The following KPNA3 variants were observed in gnomAD, a reference collection of about 807,000 sequenced individuals.
KPNA3 encodes the protein importin subunit alpha-4.
KPNA3 carries 13 observed loss-of-function variants against 73.8 expected under a neutral mutation model. The observed-to-expected ratio is 0.18, with a 90% CI of 0.11 to 0.28. The LOEUF is 0.28. KPNA3 is among the 10% of genes least tolerant of loss of function. KPNA3 has a pLI of 1.00. For missense variants in KPNA3, 360 were observed against 618.1 expected, an observed-to-expected ratio of 0.58 and a Z score of 4.43; for synonymous variants, 186 against 206.9, an observed-to-expected ratio of 0.90 and a Z score of 0.87.
intron 1 of KPNA3, among the ~76,000 whole-genome samples, chr13:49,779,541 CT>C (rs915175671): frequency 1.3e-5 from 2 of 152,186 alleles, no homozygotes; most frequent in African/African-American, 4.8e-5. Context: ...CCTACTTACT[CT>C]ATCTAGGCTC....
intron 1 of KPNA3, among the ~76,000 whole-genome samples, chr13:49,762,942 A>G (rs1481878640): frequency 1.4e-5 from 2 of 145,336 alleles, no homozygotes; most frequent in Non-Finnish European, 3.0e-5. Context: ...AAAGAAGAGG[A>G]GAGGTCGGTC....
chr13:49,705,566 T>C (rs1038991192), intron 15 of KPNA3, 55 bp downstream of exon 15: 201 of 1,555,224 alleles, frequency 1.3e-4, no homozygotes, highest in South Asian at 1.8e-4. Flanking sequence ...TTTAAAGAAC[T>C]TATGTTTCAG....
At chr13:49,764,066 CAAA>C (rs11301654) in intron 1 of KPNA3, among the ~76,000 whole-genome samples, 11 of 79,946 alleles carry the variant, frequency 1.4e-4, no homozygotes, top group African/African-American at 1.4e-4. Context: ...GACCCTGTCT[CAAA>C]AAAAAAAAAA....
intron 10 of KPNA3, among the ~76,000 whole-genome samples, chr13:49,711,602 T>G (rs927802854): frequency 1.3e-5 from 2 of 152,210 alleles, no homozygotes; most frequent in African/African-American, 2.4e-5. Context: ...GTATAAACCA[T>G]GCCCTAGGCC....
At chr13:49,775,565 T>C (rs1954891357) in intron 1 of KPNA3, among the ~76,000 whole-genome samples, 1 of 152,126 alleles carries the variant, frequency 6.6e-6, no homozygotes. Context: ...AACTTATACA[T>C]CTTCATCAAA....
intron 12 of KPNA3, among the ~76,000 whole-genome samples, chr13:49,706,750 CTTTTCTTTTTTTT>C (rs1036048615): frequency 2.6e-4 from 19 of 71,894 alleles, no homozygotes; most frequent in Non-Finnish European, 1.3e-4. Context: ...TTTCTTTTTT[CTTTTCTTTTTTTT>C]TTTGAGACGG....
At chr13:49,773,911 A>T (rs963464251) in intron 1 of KPNA3, among the ~76,000 whole-genome samples, 1 of 152,044 alleles carries the variant, frequency 6.6e-6, no homozygotes, top group Admixed American at 6.6e-5. Flanking sequence ...TATCCCATTC[A>T]TAGTCATCTT....
intron 10 of KPNA3, among the ~76,000 whole-genome samples, chr13:49,717,012 T>C (rs777061734): frequency 3.3e-4 from 51 of 152,266 alleles, no homozygotes; most frequent in Non-Finnish European, 5.9e-4. Flanking sequence ...AAGTTTTTTC[T>C]CCCTTAACGA....
Position 49,733,096 on chromosome 13 carries a change from T to C in KPNA3, c.115-50A>G, listed in dbSNP as rs776132440. On this transcript the variant is annotated intron_variant, in intron 2 of 16. Transcript: ENST00000261667. ...AAGAAGTCATAAGGACTACTGTTAA[T>C]GAAAAATCCATTAAAACTACTTCAA... 11 of 1,135,542 alleles carry C rather than the reference T, an allele frequency of 9.7e-6. No individual in the cohort carries two copies. In the African/African-American group the frequency reaches 1.1e-4, roughly 11 times the overall value. 70.3% of individuals were successfully genotyped at this position (1,135,542 alleles called of 1,614,324 possible). A position where few individuals can be genotyped will look rare whatever the true frequency, so the allele number is the denominator to read the frequency against.
chr13:49,769,336 T>A lies in KPNA3; in HGVS notation c.70-22343A>T, dbSNP rs966450406. Among the ~76,000 whole-genome samples the A allele has an allele frequency of 7.9e-5, 12 of 152,362 alleles. No homozygotes were observed. The East Asian group carries it at 2.3e-3, about 29-fold the overall frequency. On this transcript the variant is annotated intron_variant, in intron 1 of 16. Coordinates refer to ENST00000261667, the MANE Select transcript of KPNA3 (RefSeq NM_002267.4). ...TAAAATTTATCCTAAAAGGATAAGT[T>A]CCGTGGTTTCTAGTACAGAGTTGTA... is the stretch of plus-strand genomic sequence containing the variant.
intron 1 of KPNA3, among the ~76,000 whole-genome samples, chr13:49,774,341 G>A (rs942397288): frequency 2.6e-5 from 4 of 152,124 alleles, no homozygotes; most frequent in African/African-American, 7.2e-5. Context: ...GTTATACCCC[G>A]AATTCAACAC....
chr13:49,732,535 A>G, intron 5 of KPNA3, 69 bp from the exon 6 acceptor site: 1 of 1,443,562 alleles, frequency 6.9e-7, no homozygotes, highest in South Asian at 1.2e-5. Context: ...ACAACATATT[A>G]ACTTCTAGAC....
intron 1 of KPNA3, among the ~76,000 whole-genome samples, chr13:49,773,420 C>A (rs575064664): frequency 6.6e-6 from 1 of 152,160 alleles, no homozygotes; most frequent in Admixed American, 6.5e-5. Flanking sequence ...AATTAATCTG[C>A]CTCAAAGATT....
intron 1 of KPNA3, among the ~76,000 whole-genome samples, chr13:49,760,831 G>A (rs1954752712): frequency 6.6e-6 from 1 of 152,124 alleles, no homozygotes; most frequent in Admixed American, 6.5e-5. Context: ...CAATGTGGGT[G>A]GGCAGCATTC....
chr13:49,714,114 A>G (rs1245870888), intron 10 of KPNA3, among the ~76,000 whole-genome samples: 1 of 152,256 alleles, frequency 6.6e-6, no homozygotes, highest in African/African-American at 2.4e-5. Flanking sequence ...AAAAATTTAT[A>G]CAAATTTGTC....
chr13:49,735,054 A>C (rs1954509589), intron 2 of KPNA3, among the ~76,000 whole-genome samples: 1 of 152,124 alleles, frequency 6.6e-6, no homozygotes, highest in Non-Finnish European at 1.5e-5. Context: ...ATTGGGTAAC[A>C]ACCCCTGCAT....
intron 2 of KPNA3, among the ~76,000 whole-genome samples, 156 bp from the exon 3 acceptor site, chr13:49,733,202 A>C (rs1385277398): frequency 2.6e-5 from 4 of 152,028 alleles, no homozygotes; most frequent in Non-Finnish European, 5.9e-5. Context: ...ACCAATGACA[A>C]GGGTCACATT....
rs538483271 is a variant in KPNA3 at position 49,743,180 on chromosome 13, G to GT, written c.114+3768dup. On this transcript the variant is annotated intron_variant, in intron 2 of 16. Transcript: ENST00000261667. ...TACAATTGACAGATGATATCCACTAGTTTAATTTCTCAGTGAAACTCTGGG... is the reference window on the plus strand; with the variant it reads ...TACAATTGACAGATGATATCCACTAGTTTTAATTTCTCAGTGAAACTCTGGG... Among the ~76,000 whole-genome samples, 5 of 152,248 alleles carry GT rather than the reference G, an allele frequency of 3.3e-5. No individual in the cohort carries two copies. The South Asian group carries it at 8.3e-4, about 25-fold the overall frequency.
At chr13:49,767,156 C>T (rs1327586891) in intron 1 of KPNA3, among the ~76,000 whole-genome samples, 1 of 151,950 alleles carries the variant, frequency 6.6e-6, no homozygotes, top group Non-Finnish European at 1.5e-5. Context: ...GTGGCTCACG[C>T]CTGTAATCCC....
Sources: gnomAD v4.1 joint callset for allele counts (sites outside exome capture counted in the v4.1 genomes callset) on GRCh38, gnomAD v4.1.1 for gene constraint, MANE v1.5 for transcripts, NCBI Gene and HGNC (gene_info 2026-07-23, HGNC 2026-07-21) for gene names.